The following TLN1 variants were observed in gnomAD, a reference collection of about 807,000 sequenced individuals.
The protein encoded by TLN1 is talin 1.
In TLN1, 56 loss-of-function variants were observed where a neutral mutation model predicts 292.3. The observed-to-expected ratio is 0.19, with a 90% CI of 0.15 to 0.24. The LOEUF (loss-of-function observed/expected upper bound fraction) is 0.24, where lower values mean the gene tolerates loss of function less well. TLN1 is among the 10% of genes least tolerant of loss of function. The probability of loss-of-function intolerance (pLI) is 1.00; values close to 1 mark genes in which losing one functional copy is unlikely to be tolerated. For synonymous variants in TLN1, 1,119 were observed against 1,253.7 expected (o/e 0.89, Z 2.27); for missense variants, 2,433 against 3,248.2 (o/e 0.75, Z 6.10).
chr9:35,713,723 G>A, intron 25 of TLN1, among the ~76,000 whole-genome samples: 1 of 138,122 alleles, frequency 7.2e-6, no homozygotes, highest in South Asian at 2.3e-4. Flanking sequence ...GAAAAGAAAA[G>A]AGAAAAGAAA....
chr9:35,707,036 G>GC lies in TLN1; in HGVS notation c.4955+35dup. On this transcript the variant is annotated intron_variant, in intron 37 of 56. Transcript: ENST00000314888. The surrounding 1 kb of genome is among the most constrained non-coding windows in gnomAD (Gnocchi z 5.6). ...CATCCTCCATTCTGCCACAATGTAT[G>GC]CCCCCCAGCCACACTGGTTCCCCAT... The GC allele has an allele frequency of 1.2e-6, 2 of 1,608,628 alleles. No individual in the cohort carries two copies. Among genetic ancestry groups the GC allele is most frequent in the South Asian group, 1.1e-5 (1 of 90,660 alleles).
rs772133960 is a variant in TLN1 at position 35,699,963 on chromosome 9, C to G, written c.6768+11G>C. 3.1e-6 allele frequency: 5 copies of G among 1,602,068 alleles called. No individual in the cohort carries two copies. In the African/African-American group the frequency reaches 6.7e-5, roughly 22 times the overall value. On this transcript the variant is annotated intron_variant, in intron 50 of 56. Coordinates refer to ENST00000314888, the MANE Select transcript of TLN1 (RefSeq NM_006289.4). The surrounding 1 kb of genome is among the most constrained non-coding windows in gnomAD (Gnocchi z 4.0). The stretch of plus-strand genomic sequence containing the variant: ...AGGCTGGTATGAGGAACAAGCAACG[C>G]CCTCCCTTACCAGCAGTACATGGTC...
Position 35,698,095 on chromosome 9 carries a change from C to A in TLN1, c.7449G>T (p.Gln2483His), listed in dbSNP as rs774268390. Residue 2483 changes from glutamine (Q) to histidine (H), a missense_variant, in exon 56 of 57, where the codon CAG (glutamine) becomes CAT (histidine). Transcript: ENST00000314888. The surrounding 1 kb of genome is among the most constrained non-coding windows in gnomAD (Gnocchi z 5.3). ...CTTTCACCACCACTGTCTCATTCTCCTGCTCTTCAAAGGCTGCAGCCTTCT... is the reference window on the plus strand; with the variant it reads ...CTTTCACCACCACTGTCTCATTCTCATGCTCTTCAAAGGCTGCAGCCTTCT... Reference protein sequence around the residue: ...AAQKAAAFEEQENETVVVKEK... With the variant: ...AAQKAAAFEEHENETVVVKEK... The A allele has an allele frequency of 6.2e-7, 1 of 1,614,154 alleles. No homozygotes were observed. Among genetic ancestry groups the A allele is most frequent in the Non-Finnish European group, 8.5e-7 (1 of 1,180,040 alleles).
At chr9:35,718,975 G>C in intron 16 of TLN1, 65 bp from the exon 17 acceptor site, 1 of 1,598,206 alleles carries the variant, frequency 6.3e-7, no homozygotes, top group Non-Finnish European at 8.6e-7. Context: ...GCATATCACA[G>C]GCCCACGGGA....
Position 35,697,797 on chromosome 9 carries a change from C to T in TLN1, c.7620G>A (p.Glu2540=), listed in dbSNP as rs1563936923. ...YKFLPSELRD[E]H ...TTAAATAGAAGAGGCTTCTTTAGTGCTCATCTCGAAGCTCTGAAGGCAGAA... is the reference window on the plus strand; with the variant it reads ...TTAAATAGAAGAGGCTTCTTTAGTGTTCATCTCGAAGCTCTGAAGGCAGAA... Residue 2540 remains glutamate, a synonymous_variant, in exon 57 of 57, where the codon GAG becomes GAA. Transcript: ENST00000314888. 1 of 1,614,058 alleles carries T rather than the reference C, an allele frequency of 6.2e-7. No homozygotes were observed. Among genetic ancestry groups the T allele is most frequent in the Admixed American group, 1.7e-5 (1 of 60,018 alleles).
rs1825941441 is a variant in TLN1, at chr9:35,724,864, G to A, written c.324C>T (p.Val108=). Residue 108 remains valine (V), a synonymous_variant, in exon 4 of 57, where the codon GTC becomes GTT. Transcript: ENST00000314888. This position sits in a 1 kb window ranked among gnomAD's most constrained non-coding sequence, Gnocchi z 4.7. ...CACAGATGGTCATGAGCATGTCAGT[G>A]ACAGTCTTAGAGTCATCCACCATGA... ...KTIMVDDSKT[V]TDMLMTICAR... 2.5e-6 allele frequency: 4 copies of A among 1,614,160 alleles called. No homozygotes were observed. The East Asian group carries it at 8.9e-5, about 36-fold the overall frequency.
In TLN1 at chr9:35,707,103, C is replaced by G. The variant is rs879010817; in HGVS notation, c.4924G>C (p.Asp1642His). Residue 1642 changes from aspartate (D) to histidine (H), a missense_variant, in exon 37 of 57, where the codon GAC becomes CAC. By Grantham distance (81) the Asp-to-His change is moderately conservative. Around this residue, in one of 7 missense-constraint regions of TLN1, gnomAD observed 1,384 missense variants for 1,699.6 expected, o/e 0.81. Coordinates refer to ENST00000314888, the MANE Select transcript of TLN1 (RefSeq NM_006289.4). The surrounding 1 kb of genome is among the most constrained non-coding windows in gnomAD (Gnocchi z 5.6). ...VLAGHSRTVS[D>H]SIKKLITSMR... ...CTTGTAATTAGCTTCTTGATGGAGTCTGAGACAGTACGGGAGTGGCCGGCC... is the reference window on the plus strand; with the variant it reads ...CTTGTAATTAGCTTCTTGATGGAGTGTGAGACAGTACGGGAGTGGCCGGCC... 3.1e-6 allele frequency: 5 copies of G among 1,612,996 alleles called. No individual in the cohort carries two copies. In the African/African-American group the frequency reaches 5.3e-5, roughly 17 times the overall value.
chr9:35,711,911 G>A lies in TLN1; in HGVS notation c.3681+94C>T, dbSNP rs987292615. ...GGGAGTAATGAAAGGGGACAGATCT[G>A]GGAAGTCAGGGTCAAAGGACAACCG... On this transcript the variant is annotated intron_variant, in intron 28 of 56. Transcript: ENST00000314888. 4 of 1,592,560 alleles carry A rather than the reference G, an allele frequency of 2.5e-6. No individual in the cohort carries two copies. The African/African-American group carries it at 5.4e-5, about 21-fold the overall frequency.
rs780509371 is a variant in TLN1, at chr9:35,705,665, G to A, written c.5619C>T (p.Thr1873=). The change falls in exon 43 of 57, where the codon ACC becomes ACT. Residue 1873 remains threonine (T), a synonymous_variant. Transcript: ENST00000314888. Reference sequence around the variant, plus strand: ...GCTCCTCTGGGCTGGTGTTTGACTTGGTAACCTGGTGATAATGGAACGAGT... The same window carrying A: ...GCTCCTCTGGGCTGGTGTTTGACTTAGTAACCTGGTGATAATGGAACGAGT... ...AIAVTVQEMV[T]KSNTSPEELG... 2.5e-6 allele frequency: 4 copies of A among 1,611,330 alleles called. No homozygotes were observed. Among genetic ancestry groups the A allele is most frequent in the Non-Finnish European group, 1.7e-6 (2 of 1,177,624 alleles).
rs561737425 is a variant in TLN1 at position 35,710,099 on chromosome 9, T to C, written c.4326+462A>G. Among the ~76,000 whole-genome samples, 208 of 145,652 alleles carry C rather than the reference T, an allele frequency of 1.4e-3. 1 individual carries two copies. Among genetic ancestry groups the C allele is most frequent in the Non-Finnish European group, 2.3e-3 (150 of 66,652 alleles). On this transcript the variant is annotated intron_variant, in intron 33 of 56. Coordinates refer to ENST00000314888, the MANE Select transcript of TLN1 (RefSeq NM_006289.4). ...TTAGCCGGGTGTGGTGGTGAGCGCC[T>C]GTAGTCCCAGCTACTTGGAAGGCTG...
rs776900168 is a variant in TLN1 at position 35,707,249 on chromosome 9, C to T, written c.4778G>A (p.Arg1593Gln). The T allele has an allele frequency of 8.1e-6, 13 of 1,601,886 alleles. No homozygotes were observed. Among genetic ancestry groups the T allele is most frequent in the Middle Eastern group, 1.7e-4 (1 of 6,022 alleles). The part of the protein sequence containing the change: ...SIPAQISPEG[R>Q]AAMEPIVISA... ...GATCACAATGGGCTCCATGGCAGCC[C>T]GACCCTGGGGAGAGGGGAGGCAGGA... Residue 1593 changes from arginine (R) to glutamine (Q), a missense_variant, in exon 37 of 57, where the codon CGG becomes CAG. By Grantham distance (43) the Arg-to-Gln change is conservative. Around this residue, in one of 7 missense-constraint regions of TLN1, gnomAD observed 1,384 missense variants for 1,699.6 expected, o/e 0.81. Transcript: ENST00000314888. This position sits in a 1 kb window ranked among gnomAD's most constrained non-coding sequence, Gnocchi z 5.6.
At position 35,720,106 on chromosome 9, in the gene TLN1, C is replaced by T. The variant is rs767346200; in HGVS notation, c.1397G>A (p.Gly466Asp). 8.1e-6 allele frequency: 13 copies of T among 1,611,848 alleles called. No individual in the cohort carries two copies. Among genetic ancestry groups the T allele is most frequent in the Non-Finnish European group, 8.5e-6 (10 of 1,179,022 alleles). ...GASGPENFQV[G>D]SMPPAQQQIT... ...CTGCTGCTGGGCAGGGGGCATGCTG[C>T]CCACCTGGAAATTCTCAGGACCAGA... Residue 466 changes from glycine (G) to aspartate (D), a missense_variant, in exon 13 of 57, where the codon GGC (glycine) becomes GAC (aspartate). Physicochemically the swap from Gly to Asp is moderately conservative, Grantham distance 94. Around this residue, in one of 7 missense-constraint regions of TLN1, gnomAD observed 617 missense variants for 770.6 expected, o/e 0.80. Coordinates refer to ENST00000314888, the MANE Select transcript of TLN1 (RefSeq NM_006289.4).
chr9:35,713,097 G>C, intron 26 of TLN1, 54 bp from the exon 27 acceptor site: 1 of 1,572,168 alleles, frequency 6.4e-7, no homozygotes, highest in South Asian at 1.1e-5. Context: ...GCCAGGCCCT[G>C]ATTCCAGTGG....
chr9:35,707,537 GT>G lies in TLN1; in HGVS notation c.4633-50del. On this transcript the variant is annotated intron_variant, in intron 35 of 56. Coordinates refer to ENST00000314888, the MANE Select transcript of TLN1 (RefSeq NM_006289.4). The surrounding 1 kb of genome is among the most constrained non-coding windows in gnomAD (Gnocchi z 5.6). ...AGGACTTGGGATGCAGTCATAGGGG[GT>G]ATAGGAAGTGAAGTCCAGGTCTCCT... The G allele has an allele frequency of 6.2e-7, 1 of 1,602,464 alleles. No individual in the cohort carries two copies. Among genetic ancestry groups the G allele is most frequent in the Non-Finnish European group, 8.5e-7 (1 of 1,172,140 alleles).
At position 35,699,646 on chromosome 9, in the gene TLN1, T is replaced by C; in HGVS notation, c.6769-185A>G. ...CACACCTCACACGTGATAGAGACAG[T>C]GGGGCTGTGTCACTCACCGGCTGAC... On this transcript the variant is annotated intron_variant, in intron 50 of 56. Transcript: ENST00000314888. The surrounding 1 kb of genome is among the most constrained non-coding windows in gnomAD (Gnocchi z 4.0). 1.0e-6 allele frequency: 1 copy of C among 984,970 alleles called. No individual in the cohort carries two copies. Among genetic ancestry groups the C allele is most frequent in the Non-Finnish European group, 1.2e-6 (1 of 829,852 alleles). The allele number at this position is 984,970 out of a possible 1,614,324, so 61.0% of individuals were successfully genotyped here. A position where few individuals can be genotyped will look rare whatever the true frequency, so the allele number is the denominator to read the frequency against.
chr9:35,721,015 C>A, intron 10 of TLN1, 102 bp from the exon 11 acceptor site: 1 of 798,432 alleles, frequency 1.3e-6, no homozygotes, highest in South Asian at 1.6e-5. Context: ...GATGCCTTCC[C>A]GTGGCAACGG....
intron 48 of TLN1, among the ~76,000 whole-genome samples, chr9:35,702,643 C>T (rs982927555): frequency 2.6e-5 from 4 of 152,054 alleles, no homozygotes; most frequent in African/African-American, 9.7e-5. Flanking sequence ...CAGGCGCGTG[C>T]CACCACGCCC....
chr9:35,725,022 C>G, intron 3 of TLN1, 63 bp from the exon 4 acceptor site: 2 of 1,609,550 alleles, frequency 1.2e-6, no homozygotes, highest in Non-Finnish European at 1.7e-6. Context: ...TTCCTCTTTA[C>G]ACAGCCCGAG....
intron 33 of TLN1, 68 bp from the exon 34 acceptor site, chr9:35,708,552 G>A (rs1245011091): frequency 2.1e-6 from 3 of 1,422,740 alleles, no homozygotes; most frequent in African/African-American, 1.5e-5. Flanking sequence ...AGTGATAGTA[G>A]GGACAAAAGA....
Sources: allele counts gnomAD v4.1 joint callset (sites outside exome capture counted in the v4.1 genomes callset), GRCh38; gene constraint gnomAD v4.1.1; regional missense constraint gnomAD v4.1.1; non-coding constraint Gnocchi (gnomAD v3.1); transcripts MANE v1.5; gene names NCBI Gene and HGNC (gene_info 2026-07-23, HGNC 2026-07-21).